The following AKAP19 variants were observed in gnomAD, a reference collection of about 807,000 sequenced individuals.
AKAP19 encodes small A-kinase anchoring protein.
the AKAP19 span, chr2:189,917,776 G>A: frequency 5.9e-6 from 1 of 169,474 alleles, no homozygotes; most frequent in East Asian, 1.8e-4. Context: ...CTGCCAATTT[G>A]TGTTTTTTAA....
chr2:190,126,289 C>CA, the AKAP19 span, among the ~76,000 whole-genome samples: 84 of 31,314 alleles, frequency 2.7e-3, 12 homozygotes, highest in East Asian at 9.6e-3. Flanking sequence ...GATTCCATCT[C>CA]AAAAAAAAAA....
the AKAP19 span, among the ~76,000 whole-genome samples, chr2:189,978,616 C>A: frequency 1.3e-5 from 2 of 152,136 alleles, no homozygotes; most frequent in Admixed American, 6.5e-5. Flanking sequence ...GACCCCATTT[C>A]AAAAACAAAA....
the AKAP19 span, among the ~76,000 whole-genome samples, chr2:189,941,135 G>A: frequency 3.2e-3 from 485 of 152,228 alleles, 6 homozygotes; most frequent in South Asian, 1.0e-2. Flanking sequence ...ACCCAGCAAA[G>A]TTTTCCTTCA....
At chr2:190,145,907 A>G in the AKAP19 span, among the ~76,000 whole-genome samples, 2,959 of 149,996 alleles carry the variant, frequency 0.02, 91 homozygotes, top group African/African-American at 0.067. Flanking sequence ...CTAGAAATAA[A>G]TCAAAGGTAA....
At chr2:190,078,240 T>G in the AKAP19 span, among the ~76,000 whole-genome samples, 1 of 152,352 alleles carries the variant, frequency 6.6e-6, no homozygotes, top group South Asian at 2.1e-4. Context: ...AGGACAGTTC[T>G]GTGCATCACA....
At chr2:190,111,090 T>C in the AKAP19 span, among the ~76,000 whole-genome samples, 1 of 152,128 alleles carries the variant, frequency 6.6e-6, no homozygotes, top group African/African-American at 2.4e-5. Context: ...TTTACTCTTC[T>C]GGGAGAGCAC....
At chr2:189,926,840 C>T in the AKAP19 span, among the ~76,000 whole-genome samples, 3 of 151,912 alleles carry the variant, frequency 2.0e-5, no homozygotes, top group Admixed American at 6.6e-5. Flanking sequence ...GTCTTGGCCT[C>T]CGAAATTGCT....
chr2:190,050,610 ACATTTTTC>A, the AKAP19 span, among the ~76,000 whole-genome samples: 1 of 152,236 alleles, frequency 6.6e-6, no homozygotes, highest in South Asian at 2.1e-4. Flanking sequence ...TTAAGAAGTT[ACATTTTTC>A]CAGGATTCTA....
the AKAP19 span, among the ~76,000 whole-genome samples, chr2:189,885,803 T>TTTTTA: frequency 3.3e-5 from 5 of 152,208 alleles, no homozygotes; most frequent in Admixed American, 2.6e-4. Context: ...CTAGCATTAA[T>TTTTTA]TTTTATTTTA....
At chr2:189,952,972 C>T in the AKAP19 span, among the ~76,000 whole-genome samples, 1 of 152,100 alleles carries the variant, frequency 6.6e-6, no homozygotes, top group Non-Finnish European at 1.5e-5. Context: ...CAAAACAGAA[C>T]AAGATTATGG....
the AKAP19 span, among the ~76,000 whole-genome samples, chr2:190,025,367 A>T: frequency 6.6e-6 from 1 of 152,134 alleles, no homozygotes; most frequent in Non-Finnish European, 1.5e-5. Flanking sequence ...ATCCCCCCAC[A>T]TCATGTGTGC....
chr2:190,047,132 T>C, the AKAP19 span, among the ~76,000 whole-genome samples: 21 of 152,236 alleles, frequency 1.4e-4, no homozygotes, highest in Admixed American at 1.2e-3. Context: ...ACAAGCGGTG[T>C]CCATCCACCC....
chr2:190,175,093 A>G, the AKAP19 span, among the ~76,000 whole-genome samples: 1 of 13,604 alleles, frequency 7.4e-5, no homozygotes, highest in Admixed American at 3.3e-4. Flanking sequence ...CATAAAAGAC[A>G]ACAACAACAA....
At chr2:189,918,386 G>T in the AKAP19 span, among the ~76,000 whole-genome samples, 1 of 152,128 alleles carries the variant, frequency 6.6e-6, no homozygotes, top group East Asian at 1.9e-4. Flanking sequence ...TCTGAGAATG[G>T]CTTGATTTAC....
chr2:189,934,457 C>T, the AKAP19 span, among the ~76,000 whole-genome samples: 1 of 151,728 alleles, frequency 6.6e-6, no homozygotes, highest in Non-Finnish European at 1.5e-5. Flanking sequence ...CCATTTTTAC[C>T]TTAAAATTGG....
At chr2:190,167,748 G>A in the AKAP19 span, among the ~76,000 whole-genome samples, 2 of 152,202 alleles carry the variant, frequency 1.3e-5, no homozygotes, top group African/African-American at 4.8e-5. Context: ...TTGACTCCAC[G>A]TCTCACATCC....
At chr2:189,951,598 C>T in the AKAP19 span, among the ~76,000 whole-genome samples, 104,613 of 152,042 alleles carry the variant, frequency 0.69, 36,931 homozygotes, top group East Asian at 0.86. Flanking sequence ...CTAAAGCTTT[C>T]AAATAAGGAA....
At chr2:190,070,854 T>C in the AKAP19 span, among the ~76,000 whole-genome samples, 1 of 152,168 alleles carries the variant, frequency 6.6e-6, no homozygotes, top group Non-Finnish European at 1.5e-5. Context: ...TTCAAATACT[T>C]GATAAAGTAT....
At chr2:190,110,626 C>T in the AKAP19 span, among the ~76,000 whole-genome samples, 1 of 152,084 alleles carries the variant, frequency 6.6e-6, no homozygotes, top group African/African-American at 2.4e-5. Flanking sequence ...GAAAACTTAG[C>T]CATTTATTTC....
Sources: allele counts gnomAD v4.1 joint callset (sites outside exome capture counted in the v4.1 genomes callset), GRCh38; gene constraint gnomAD v4.1.1; transcripts MANE v1.5; gene names NCBI Gene and HGNC (gene_info 2026-07-23, HGNC 2026-07-21).